The following PCED1B variants were observed in gnomAD, a reference collection of about 807,000 sequenced individuals.
PCED1B encodes PC-esterase domain-containing protein 1B.
For missense variants in PCED1B, 573 were observed against 573.9 expected (o/e 1.00, Z 0.02); for synonymous variants, 251 against 246.1 (o/e 1.02, Z -0.19).
intron 2 of PCED1B, among the ~76,000 whole-genome samples, chr12:47,121,398 C>A (rs1457862848): frequency 6.6e-6 from 1 of 152,060 alleles, no homozygotes; most frequent in Non-Finnish European, 1.5e-5. Context: ...CAAAACCAAA[C>A]CACTTCAGAT....
chr12:47,113,956 G>GA (rs533127832), intron 2 of PCED1B, among the ~76,000 whole-genome samples: 31 of 137,940 alleles, frequency 2.2e-4, no homozygotes, highest in Middle Eastern at 3.9e-3. Flanking sequence ...ATCTAAAAAA[G>GA]AAAAAAAAAA....
intron 2 of PCED1B, among the ~76,000 whole-genome samples, chr12:47,183,927 C>T (rs832730): frequency 0.99 from 150,408 of 152,372 alleles, 74,260 homozygotes; most frequent in Middle Eastern, 1. Flanking sequence ...AGTGGGGATA[C>T]TGCATGAACA....
chr12:47,212,427 GA>G (rs1943121572), intron 2 of PCED1B, among the ~76,000 whole-genome samples: 2 of 152,186 alleles, frequency 1.3e-5, no homozygotes, highest in Non-Finnish European at 2.9e-5. Context: ...CAGCCTTAGA[GA>G]AAAAAATTCA....
At chr12:47,125,459 C>T (rs1017511714) in intron 2 of PCED1B, among the ~76,000 whole-genome samples, 1 of 151,944 alleles carries the variant, frequency 6.6e-6, no homozygotes, top group Non-Finnish European at 1.5e-5. Context: ...TAGCCCTCCA[C>T]TTTTGTTCTT....
chr12:47,194,119 T>C (rs1942528963), intron 2 of PCED1B, among the ~76,000 whole-genome samples: 2 of 151,476 alleles, frequency 1.3e-5, no homozygotes, highest in African/African-American at 4.9e-5. Context: ...TCAGATAACT[T>C]CCCTCCATGC....
At chr12:47,084,454 A>G (rs1185592136) in intron 1 of PCED1B, among the ~76,000 whole-genome samples, 1 of 152,228 alleles carries the variant, frequency 6.6e-6, no homozygotes, top group African/African-American at 2.4e-5. Flanking sequence ...TATGCCCATT[A>G]AGCAGTTACT....
At chr12:47,148,384 GC>G (rs922301422) in intron 2 of PCED1B, among the ~76,000 whole-genome samples, 16 of 152,276 alleles carry the variant, frequency 1.1e-4, no homozygotes, top group African/African-American at 3.8e-4. Flanking sequence ...TATTCCTAAT[GC>G]CCATGGTTTC....
intron 1 of PCED1B, among the ~76,000 whole-genome samples, chr12:47,095,071 A>ATTTTTT: frequency 8.8e-6 from 1 of 113,828 alleles, no homozygotes; most frequent in Non-Finnish European, 1.8e-5. Flanking sequence ...TGTGCCCACA[A>ATTTTTT]TTTTTTTTTT....
intron 1 of PCED1B, among the ~76,000 whole-genome samples, chr12:47,100,573 T>C (rs1001395589): frequency 2.0e-5 from 3 of 152,230 alleles, no homozygotes; most frequent in African/African-American, 4.8e-5. Flanking sequence ...ATTCAAAATA[T>C]TGAGTCAGAA....
At chr12:47,156,087 TA>T (rs1163348652) in intron 2 of PCED1B, among the ~76,000 whole-genome samples, 3 of 152,250 alleles carry the variant, frequency 2.0e-5, no homozygotes, top group African/African-American at 7.2e-5. Context: ...CCTGAAATGT[TA>T]GGGCTTCAAG....
intron 2 of PCED1B, among the ~76,000 whole-genome samples, chr12:47,161,155 C>T (rs947356222): frequency 5.3e-5 from 8 of 152,304 alleles, no homozygotes; most frequent in South Asian, 4.1e-4. Context: ...CTTTATAAAT[C>T]ACTCAGTCTC....
intron 2 of PCED1B, among the ~76,000 whole-genome samples, chr12:47,131,972 T>C (rs1229385812): frequency 6.6e-6 from 1 of 152,150 alleles, no homozygotes; most frequent in Non-Finnish European, 1.5e-5. Flanking sequence ...CAGCCTGTCA[T>C]GTTTTACTTC....
chr12:47,178,932 A>G (rs757226003), intron 2 of PCED1B, among the ~76,000 whole-genome samples: 18 of 152,124 alleles, frequency 1.2e-4, no homozygotes, highest in Non-Finnish European at 2.2e-4. Flanking sequence ...TCATGAACGT[A>G]AGATTGATTA....
At chr12:47,225,559 CATAG>C (rs1323552350) in intron 3 of PCED1B, among the ~76,000 whole-genome samples, 2 of 152,146 alleles carry the variant, frequency 1.3e-5, no homozygotes, top group Non-Finnish European at 2.9e-5. Flanking sequence ...CAAATGCTGA[CATAG>C]ATAAATTATA....
At chr12:47,135,322 G>A (rs577258333) in intron 2 of PCED1B, among the ~76,000 whole-genome samples, 1 of 151,304 alleles carries the variant, frequency 6.6e-6, no homozygotes, top group African/African-American at 2.4e-5. Flanking sequence ...TTATTTTTTT[G>A]CACCACGAAC....
At chr12:47,216,157 CTT>C (rs1459123058) in intron 2 of PCED1B, 63 bp from the exon 3 acceptor site, 1 of 152,240 alleles carries the variant, frequency 6.6e-6, no homozygotes, top group Non-Finnish European at 1.5e-5. Context: ...AAGTAGAGTT[CTT>C]CTTACCATTT....
chr12:47,112,272 C>T (rs1362518031), intron 2 of PCED1B, among the ~76,000 whole-genome samples: 2 of 152,216 alleles, frequency 1.3e-5, no homozygotes, highest in African/African-American at 4.8e-5. Flanking sequence ...GCCAAACTTG[C>T]ATCAGGGGAT....
intron 2 of PCED1B, among the ~76,000 whole-genome samples, chr12:47,106,500 A>G (rs1565750342): frequency 6.6e-6 from 1 of 152,158 alleles, no homozygotes; most frequent in Non-Finnish European, 1.5e-5. Context: ...CAGCCCTCTG[A>G]CCTGGTGCTC....
intron 2 of PCED1B, among the ~76,000 whole-genome samples, chr12:47,149,287 C>T (rs546141177): frequency 2.0e-5 from 3 of 152,188 alleles, no homozygotes; most frequent in Admixed American, 1.3e-4. Context: ...GAGTTATCCC[C>T]GCTTCATTGT....
Sources: allele counts gnomAD v4.1 joint callset (sites outside exome capture counted in the v4.1 genomes callset), GRCh38; gene constraint gnomAD v4.1.1; transcripts MANE v1.5; gene names NCBI Gene and HGNC (gene_info 2026-07-23, HGNC 2026-07-21).